SERGEF: variants seen among roughly 807,000 people sequenced by gnomAD.
SERGEF encodes secretion regulating guanine nucleotide exchange factor.
SERGEF carries 51 observed loss-of-function variants against 50.0 expected under a neutral mutation model. The observed-to-expected ratio is 1.02, with a 90% CI of 0.81 to 1.29. The LOEUF is 1.29. Ranked by LOEUF, SERGEF falls within the 50% of genes most tolerant of loss-of-function variation. The pLI is 0.00. For missense variants in SERGEF, 521 were observed against 557.0 expected (o/e 0.94, Z 0.65); for synonymous variants, 205 against 212.4 (o/e 0.97, Z 0.30).
At chr11:17,809,310 T>G (rs905816075) in intron 10 of SERGEF, among the ~76,000 whole-genome samples, 2 of 152,150 alleles carry the variant, frequency 1.3e-5, no homozygotes, top group Non-Finnish European at 2.9e-5. Flanking sequence ...TTTGGGATGA[T>G]AAGTACGGGG....
chr11:17,847,511 A>G (rs1850637699), intron 10 of SERGEF, among the ~76,000 whole-genome samples: 1 of 152,246 alleles, frequency 6.6e-6, no homozygotes, highest in Non-Finnish European at 1.5e-5. Context: ...AATGGAGAAA[A>G]TAAAACTGAC....
intron 10 of SERGEF, among the ~76,000 whole-genome samples, chr11:17,864,647 G>C (rs1421166167): frequency 6.6e-6 from 1 of 152,146 alleles, no homozygotes; most frequent in Non-Finnish European, 1.5e-5. Flanking sequence ...TCAGTTCCAG[G>C]GCTGAGAAAG....
chr11:17,885,027 A>C (rs186948112), intron 9 of SERGEF, among the ~76,000 whole-genome samples: 161 of 152,264 alleles, frequency 1.1e-3, no homozygotes, highest in Non-Finnish European at 1.9e-3. Flanking sequence ...AAAGCCTGTA[A>C]GCTAACTCAC....
chr11:17,977,832 C>G (rs887192309), intron 8 of SERGEF, among the ~76,000 whole-genome samples: 1 of 152,170 alleles, frequency 6.6e-6, no homozygotes, highest in African/African-American at 2.4e-5. Context: ...GGAGGCAGGT[C>G]ATCACCAGAC....
chr11:17,858,613 T>C (rs1850868007), intron 10 of SERGEF, among the ~76,000 whole-genome samples: 1 of 152,234 alleles, frequency 6.6e-6, no homozygotes, highest in East Asian at 1.9e-4. Context: ...CTTTTCAATA[T>C]AAACAGCCAG....
chr11:17,796,969 G>A (rs1266283268), intron 10 of SERGEF, among the ~76,000 whole-genome samples: 8 of 152,170 alleles, frequency 5.3e-5, no homozygotes, highest in Non-Finnish European at 7.3e-5. Context: ...GGGGGGTGAG[G>A]GTTGGAGGCA....
chr11:18,005,050 T>G (rs1590248093), intron 3 of SERGEF, among the ~76,000 whole-genome samples: 1 of 152,176 alleles, frequency 6.6e-6, no homozygotes, highest in East Asian at 1.9e-4. Flanking sequence ...GGGGTAAGTT[T>G]GGACCAGAAG....
intron 10 of SERGEF, chr11:17,863,535 C>T (rs1218995405): frequency 6.6e-6 from 1 of 152,236 alleles, no homozygotes; most frequent in Non-Finnish European, 1.5e-5. Context: ...CCACTTCTTC[C>T]ATAAGGATTT....
chr11:18,004,379 A>G, intron 4 of SERGEF, 62 bp downstream of exon 4: 1 of 1,194,814 alleles, frequency 8.4e-7, no homozygotes, highest in Non-Finnish European at 1.2e-6. Flanking sequence ...GGGGAGAGAT[A>G]GGTTAATACC....
At chr11:17,904,064 T>C (rs1565200186) in intron 9 of SERGEF, among the ~76,000 whole-genome samples, 1 of 152,128 alleles carries the variant, frequency 6.6e-6, no homozygotes, top group Non-Finnish European at 1.5e-5. Flanking sequence ...GGGGAGTATA[T>C]GCAGGGAAGT....
At chr11:17,846,298 C>T (rs773835421) in intron 10 of SERGEF, among the ~76,000 whole-genome samples, 99 of 152,222 alleles carry the variant, frequency 6.5e-4, no homozygotes, top group Non-Finnish European at 1.1e-3. Context: ...CAATTTGCCA[C>T]AGCTCTGCAG....
intron 9 of SERGEF, among the ~76,000 whole-genome samples, chr11:17,957,114 A>T (rs1004140618): frequency 7.2e-5 from 11 of 152,200 alleles, no homozygotes; most frequent in African/African-American, 2.7e-4. Context: ...GGAGCTAGGA[A>T]GGAAGGAGCT....
At chr11:17,865,370 G>A (rs1218838252) in intron 10 of SERGEF, among the ~76,000 whole-genome samples, 3 of 152,080 alleles carry the variant, frequency 2.0e-5, no homozygotes, top group South Asian at 2.1e-4. Flanking sequence ...TTGTTATTTT[G>A]GAGTGTATTC....
rs148891477 is a variant in SERGEF at position 17,870,013 on chromosome 11, A to G, written c.1048+8195T>C. Among the ~76,000 whole-genome samples, 511 of 152,278 alleles carry G rather than the reference A, an allele frequency of 3.4e-3. 4 individuals carry two copies. Among genetic ancestry groups the G allele is most frequent in the African/African-American group, 0.011 (464 of 41,560 alleles). On this transcript the variant is annotated intron_variant, in intron 10 of 10. Coordinates refer to ENST00000265965, the MANE Select transcript of SERGEF (RefSeq NM_012139.4). ...GAGACCAGGTGGAGGTAATTGAATC[A>G]GGGGGGCAGTTTCCCCCATGCTGTT...
In SERGEF at chr11:17,929,306, G is replaced by A. The variant is rs138422421; in HGVS notation, c.1011+30164C>T. Among the ~76,000 whole-genome samples the A allele has an allele frequency of 7.9e-4, 120 of 152,170 alleles. 1 individual carries two copies. The highest frequency in any genetic ancestry group is 2.7e-3 in the African/African-American group (114 of 41,520). On this transcript the variant is annotated intron_variant, in intron 9 of 10. Transcript: ENST00000265965. ...CAGAGGAAAAAATCAAATCACTGAC[G>A]CTATTTCAAACTTCATGCTCAAGGC...
intron 9 of SERGEF, among the ~76,000 whole-genome samples, chr11:17,896,757 AGGGAAGGGAAG>A: frequency 1.8e-5 from 1 of 56,820 alleles, no homozygotes; most frequent in African/African-American, 5.8e-5. Context: ...CGGAAGGGTA[AGGGAAGGGAAG>A]GGTAAGGGAA....
chr11:17,797,954 G>T (rs570713252), intron 10 of SERGEF, among the ~76,000 whole-genome samples: 1 of 152,116 alleles, frequency 6.6e-6, no homozygotes, highest in Non-Finnish European at 1.5e-5. Context: ...AGGCTGGGCT[G>T]AGACAAACCA....
At chr11:17,937,637 C>T (rs1852480521) in intron 9 of SERGEF, among the ~76,000 whole-genome samples, 2 of 152,084 alleles carry the variant, frequency 1.3e-5, no homozygotes, top group Admixed American at 6.6e-5. Context: ...TTCCACAATT[C>T]TACAATAAGC....
intron 10 of SERGEF, among the ~76,000 whole-genome samples, chr11:17,871,958 A>G (rs1488755229): frequency 6.6e-6 from 1 of 152,220 alleles, no homozygotes; most frequent in Non-Finnish European, 1.5e-5. Context: ...CATATCTATC[A>G]AAAGGCGTGT....
Sources: gnomAD v4.1 joint callset for allele counts (sites outside exome capture counted in the v4.1 genomes callset) on GRCh38, gnomAD v4.1.1 for gene constraint, MANE v1.5 for transcripts, NCBI Gene and HGNC (gene_info 2026-07-23, HGNC 2026-07-21) for gene names.